Variants in EVL observed in about 807,000 individuals in gnomAD.
EVL encodes ena/VASP-like protein.
Under a neutral mutation model 59.6 loss-of-function variants are expected in EVL, and 21 were observed. The observed-to-expected ratio is 0.35, with a 90% CI of 0.25 to 0.51. The LOEUF (loss-of-function observed/expected upper bound fraction) is 0.51. Among genes scored for constraint, EVL ranks in the 20% least tolerant of loss-of-function variants. EVL has a pLI of 0.97. For missense variants in EVL, 462 were observed against 546.6 expected (o/e 0.85, Z 1.54); for synonymous variants, 198 against 203.5 (o/e 0.97, Z 0.23).
chr14:100,123,812 C>T (rs1021623077), intron 4 of EVL, among the ~76,000 whole-genome samples: 1 of 152,214 alleles, frequency 6.6e-6, no homozygotes, highest in African/African-American at 2.4e-5. Flanking sequence ...CCAGGAATGA[C>T]TGTGGGAGTC....
intron 1 of EVL, among the ~76,000 whole-genome samples, chr14:100,075,198 T>G (rs1177519971): frequency 6.6e-6 from 1 of 152,234 alleles, no homozygotes; most frequent in Non-Finnish European, 1.5e-5. Flanking sequence ...GTGATGTGCT[T>G]CAGAGAGAGA....
At position 100,084,869 on chromosome 14, in the gene EVL, T is replaced by G; in HGVS notation, c.180+14T>G. 6.2e-7 allele frequency: 1 copy of G among 1,613,470 alleles called. No homozygotes were observed. ...CAGGATCAGCAGGTCAGTGCTGGAATTACAGATTATACCCGTGAGCCTGCG... is the reference window on the plus strand; with the variant it reads ...CAGGATCAGCAGGTCAGTGCTGGAAGTACAGATTATACCCGTGAGCCTGCG... On this transcript the variant is annotated intron_variant, in intron 2 of 13. Coordinates refer to ENST00000392920, the MANE Select transcript of EVL (RefSeq NM_016337.3).
intron 1 of EVL, among the ~76,000 whole-genome samples, chr14:100,039,252 T>C (rs1033956580): frequency 6.6e-6 from 1 of 152,240 alleles, no homozygotes; most frequent in African/African-American, 2.4e-5. Context: ...ATTTATTTAT[T>C]TGAGACGGAG....
chr14:100,004,649 T>C (rs2060967098), intron 1 of EVL, among the ~76,000 whole-genome samples: 1 of 152,218 alleles, frequency 6.6e-6, no homozygotes, highest in Admixed American at 6.5e-5. Context: ...AAATAACCAG[T>C]CATTTTATTC....
intron 1 of EVL, among the ~76,000 whole-genome samples, chr14:99,981,996 A>G (rs944763966): frequency 2.0e-5 from 3 of 152,222 alleles, no homozygotes; most frequent in African/African-American, 7.2e-5. Context: ...CTCAGGGGAA[A>G]GCACTTCCAG....
At chr14:100,139,596 G>C (rs1566733599) in intron 11 of EVL, 1 of 152,322 alleles carries the variant, frequency 6.6e-6, no homozygotes, top group East Asian at 1.9e-4. Flanking sequence ...ACCTGTTTAG[G>C]GCTAGGCTTG....
At chr14:100,125,787 C>T (rs1472231240) in intron 4 of EVL, among the ~76,000 whole-genome samples, 17 of 152,100 alleles carry the variant, frequency 1.1e-4, no homozygotes, top group African/African-American at 4.1e-4. Context: ...AACTCCTGGC[C>T]TCGTCATCCG....
At chr14:100,003,833 A>G (rs909781715) in intron 1 of EVL, among the ~76,000 whole-genome samples, 1 of 152,238 alleles carries the variant, frequency 6.6e-6, no homozygotes. Flanking sequence ...TGTTAGACCA[A>G]TTACCAAAAG....
intron 1 of EVL, among the ~76,000 whole-genome samples, chr14:100,001,465 C>G (rs2060945898): frequency 6.6e-6 from 1 of 152,146 alleles, no homozygotes; most frequent in African/African-American, 2.4e-5. Flanking sequence ...TTACTAAAGA[C>G]AAATCATGGT....
At chr14:100,052,400 T>A (rs1428251297) in intron 1 of EVL, among the ~76,000 whole-genome samples, 1 of 152,212 alleles carries the variant, frequency 6.6e-6, no homozygotes. Flanking sequence ...TTCTAAATAT[T>A]ACATCTTTTC....
intron 1 of EVL, among the ~76,000 whole-genome samples, chr14:99,990,945 T>C (rs75996433): frequency 0.013 from 2,009 of 152,210 alleles, 43 homozygotes; most frequent in African/African-American, 0.045. Context: ...TATATAGCTG[T>C]ATATATATAA....
At chr14:100,096,124 C>G (rs1486793105) in intron 2 of EVL, among the ~76,000 whole-genome samples, 1 of 152,172 alleles carries the variant, frequency 6.6e-6, no homozygotes, top group Non-Finnish European at 1.5e-5. Flanking sequence ...CACCTTCCAC[C>G]CAAGACTTGG....
At chr14:100,115,140 A>G (rs1195395436) in intron 3 of EVL, among the ~76,000 whole-genome samples, 1 of 152,184 alleles carries the variant, frequency 6.6e-6, no homozygotes, top group Non-Finnish European at 1.5e-5. Context: ...GGTTCATTTT[A>G]AGGTTAGTTT....
Position 100,108,230 on chromosome 14 carries a change from T to C in EVL, c.358+10572T>C, listed in dbSNP as rs530935615. 2 of 152,282 alleles carry C rather than the reference T, an allele frequency of 1.3e-5. No homozygotes were observed. Among genetic ancestry groups the C allele is most frequent in the East Asian group, 3.9e-4 (2 of 5,184 alleles). 9.4% of individuals were successfully genotyped at this position (152,282 alleles called of 1,614,324 possible). On this transcript the variant is annotated intron_variant, in intron 3 of 13. Transcript: ENST00000392920. This position sits in a 1 kb window ranked among gnomAD's most constrained non-coding sequence, Gnocchi z 4.1. ...CCGGGAAGAGTCAGGCCCAGCTCCA[T>C]GTGCTCTTTGGAGGGGAGTGGAAGG... is the stretch of plus-strand genomic sequence containing the variant.
chr14:100,059,138 C>CT (rs75206047), intron 1 of EVL, among the ~76,000 whole-genome samples: 13,044 of 152,248 alleles, frequency 0.086, 931 homozygotes, highest in African/African-American at 0.18. Flanking sequence ...ACAAAAGCAA[C>CT]TATGAAACTG....
At chr14:100,137,466 G>C in intron 9 of EVL, 112 bp from the exon 10 acceptor site, 1 of 1,138,346 alleles carries the variant, frequency 8.8e-7, no homozygotes, top group Non-Finnish European at 1.3e-6. Flanking sequence ...CTGCCACGGG[G>C]CTCTGCACCC....
At chr14:100,007,998 G>A (rs1377669681) in intron 1 of EVL, among the ~76,000 whole-genome samples, 1 of 152,174 alleles carries the variant, frequency 6.6e-6, no homozygotes, top group East Asian at 1.9e-4. Context: ...GATGCTAGAA[G>A]CAACACCCAA....
intron 1 of EVL, among the ~76,000 whole-genome samples, chr14:99,982,090 T>C (rs73345463): frequency 0.09 from 13,674 of 152,220 alleles, 636 homozygotes; most frequent in Admixed American, 0.1. Context: ...TGGTATGATA[T>C]AAAGAAGACA....
chr14:100,014,528 T>G (rs2061037472), intron 1 of EVL, among the ~76,000 whole-genome samples: 3 of 152,236 alleles, frequency 2.0e-5, no homozygotes, highest in Admixed American at 2.0e-4. Flanking sequence ...TATCCAGTCA[T>G]CTGTTGATGG....
Sources: allele counts gnomAD v4.1 joint callset (sites outside exome capture counted in the v4.1 genomes callset), GRCh38; gene constraint gnomAD v4.1.1; non-coding constraint Gnocchi (gnomAD v3.1); transcripts MANE v1.5; gene names NCBI Gene and HGNC (gene_info 2026-07-23, HGNC 2026-07-21).